The following DNAJC1 variants were observed in gnomAD, a reference collection of about 807,000 sequenced individuals.
DNAJC1 encodes the protein dnaJ homolog subfamily C member 1.
In DNAJC1, 58 loss-of-function variants were observed where a neutral mutation model predicts 76.6. That is an observed-to-expected ratio of 0.76 (90% CI 0.61 to 0.94). The LOEUF is 0.94. Ranked by LOEUF, DNAJC1 falls within the 40% of genes least tolerant of loss-of-function variation. DNAJC1 has a pLI of 0.00. For synonymous variants in DNAJC1, 258 were observed against 267.9 expected, an observed-to-expected ratio of 0.96 and a Z score of 0.36; for missense variants, 689 against 677.3, an observed-to-expected ratio of 1.02 and a Z score of -0.19.
intron 7 of DNAJC1, among the ~76,000 whole-genome samples, chr10:21,883,046 T>C (rs1373530550): frequency 6.6e-6 from 1 of 152,044 alleles, no homozygotes; most frequent in East Asian, 1.9e-4. Context: ...GGCCAGGAGT[T>C]CGAGACCAGC....
intron 9 of DNAJC1, among the ~76,000 whole-genome samples, chr10:21,786,700 CCTGAT>C (rs199976124): frequency 0.013 from 2,018 of 152,112 alleles, 39 homozygotes; most frequent in African/African-American, 0.044. Context: ...GTCTCGAACT[CCTGAT>C]CTCAGGAGAT....
intron 1 of DNAJC1, among the ~76,000 whole-genome samples, chr10:21,931,849 G>C (rs1426300667): frequency 3.9e-5 from 6 of 152,110 alleles, no homozygotes; most frequent in Admixed American, 3.9e-4. Flanking sequence ...TTGACAGCAC[G>C]TGAGTGAAGT....
rs1261539685 is a variant in DNAJC1 at position 21,759,602 on chromosome 10, G to A, written c.1164C>T (p.Ser388=). 13 of 1,613,786 alleles carry A rather than the reference G, an allele frequency of 8.1e-6. No individual in the cohort carries two copies. Among genetic ancestry groups the A allele is most frequent in the East Asian group, 2.2e-5 (1 of 44,870 alleles). The change falls in exon 11 of 12, where the codon TCC becomes TCT. Residue 388 remains serine (S), a synonymous_variant. Coordinates refer to ENST00000376980, the MANE Select transcript of DNAJC1 (RefSeq NM_022365.4). ...VTCSPGMVRL[S]ELKSTVQNSR... ...AATTCTGAACTGTCGATTTGAGTTCGGAGAGTCTAACCATTCCTAGGAAAG... is the reference window on the plus strand; with the variant it reads ...AATTCTGAACTGTCGATTTGAGTTCAGAGAGTCTAACCATTCCTAGGAAAG...
chr10:21,984,066 T>C (rs182296109), intron 1 of DNAJC1, among the ~76,000 whole-genome samples: 1 of 152,322 alleles, frequency 6.6e-6, no homozygotes, highest in African/African-American at 2.4e-5. Context: ...AAAAAAGATA[T>C]ATGAAGATTA....
intron 6 of DNAJC1, among the ~76,000 whole-genome samples, chr10:21,909,177 C>A (rs1023827847): frequency 6.6e-6 from 1 of 152,170 alleles, no homozygotes; most frequent in Non-Finnish European, 1.5e-5. Flanking sequence ...CGTAAGCCAC[C>A]GCCCCTGGCC....
chr10:21,954,775 A>G (rs1260003609), intron 1 of DNAJC1, among the ~76,000 whole-genome samples: 1 of 152,192 alleles, frequency 6.6e-6, no homozygotes, highest in African/African-American at 2.4e-5. Flanking sequence ...TGTATTAAAC[A>G]GCCTCTCAAC....
chr10:21,920,685 G>C, intron 4 of DNAJC1, 113 bp downstream of exon 4: 1 of 886,950 alleles, frequency 1.1e-6, no homozygotes, highest in Non-Finnish European at 1.6e-6. Context: ...AAAACTATTA[G>C]AATGAGAAGT....
intron 9 of DNAJC1, among the ~76,000 whole-genome samples, chr10:21,799,138 A>G (rs1834782692): frequency 6.6e-6 from 1 of 152,230 alleles, no homozygotes; most frequent in Non-Finnish European, 1.5e-5. Context: ...ATCATGTAAG[A>G]TATTACATAA....
intron 8 of DNAJC1, among the ~76,000 whole-genome samples, chr10:21,811,213 A>G (rs1834960133): frequency 6.6e-6 from 1 of 152,200 alleles, no homozygotes; most frequent in South Asian, 2.1e-4. Flanking sequence ...ATTTCTGAAC[A>G]TTATTGGGTA....
chr10:21,804,425 A>G (rs536366654), intron 9 of DNAJC1, among the ~76,000 whole-genome samples: 11 of 152,058 alleles, frequency 7.2e-5, no homozygotes, highest in Non-Finnish European at 1.3e-4. Flanking sequence ...TAATCACTGT[A>G]TTAATAGCAG....
intron 1 of DNAJC1, among the ~76,000 whole-genome samples, chr10:21,944,237 T>C (rs1590060670): frequency 6.6e-6 from 1 of 152,034 alleles, no homozygotes; most frequent in Non-Finnish European, 1.5e-5. Context: ...AAAAGACTGA[T>C]AAATTCTCAA....
intron 1 of DNAJC1, among the ~76,000 whole-genome samples, chr10:21,988,635 GATT>G (rs1838283291): frequency 6.6e-6 from 1 of 152,078 alleles, no homozygotes; most frequent in Non-Finnish European, 1.5e-5. Flanking sequence ...CCATTAAGTT[GATT>G]ATTAAAACAG....
intron 8 of DNAJC1, among the ~76,000 whole-genome samples, chr10:21,862,016 T>A (rs536392445): frequency 1.9e-4 from 29 of 152,228 alleles, no homozygotes; most frequent in African/African-American, 6.0e-4. Flanking sequence ...CCTCCCAGGT[T>A]CAGGCAATCC....
intron 9 of DNAJC1, among the ~76,000 whole-genome samples, chr10:21,793,310 G>A (rs1356614431): frequency 6.6e-6 from 1 of 152,028 alleles, no homozygotes; most frequent in Non-Finnish European, 1.5e-5. Context: ...CTCAGGGGTT[G>A]GGGGGCCGGG....
chr10:21,932,022 A>C (rs1342280019), intron 1 of DNAJC1, among the ~76,000 whole-genome samples: 1 of 152,176 alleles, frequency 6.6e-6, no homozygotes, highest in African/African-American at 2.4e-5. Flanking sequence ...GGGAAAAAAA[A>C]CAAAAACAAA....
At chr10:21,798,327 T>C (rs73594511) in intron 9 of DNAJC1, among the ~76,000 whole-genome samples, 2,185 of 152,320 alleles carry the variant, frequency 0.014, 51 homozygotes, top group African/African-American at 0.049. Flanking sequence ...TTTAGATCAC[T>C]GCACTCCTTT....
At chr10:21,878,076 T>C (rs1047164523) in intron 8 of DNAJC1, among the ~76,000 whole-genome samples, 14 of 152,194 alleles carry the variant, frequency 9.2e-5, no homozygotes, top group Admixed American at 7.2e-4. Context: ...ACTATACTTA[T>C]AAAGCAATTC....
chr10:21,982,717 TA>T (rs576398958), intron 1 of DNAJC1, among the ~76,000 whole-genome samples: 10,047 of 126,992 alleles, frequency 0.079, 653 homozygotes, highest in African/African-American at 0.2. Flanking sequence ...ATAGCTATCA[TA>T]AAAAAAAAAA....
chr10:21,945,531 G>A (rs189993932), intron 1 of DNAJC1, among the ~76,000 whole-genome samples: 1 of 152,126 alleles, frequency 6.6e-6, no homozygotes, highest in African/African-American at 2.4e-5. Context: ...TCCAAAATAT[G>A]GGAGAAAAGC....
Sources: allele counts gnomAD v4.1 joint callset (sites outside exome capture counted in the v4.1 genomes callset), GRCh38; gene constraint gnomAD v4.1.1; transcripts MANE v1.5; gene names NCBI Gene and HGNC (gene_info 2026-07-23, HGNC 2026-07-21).